The following GRM8 variants were observed in gnomAD, a reference collection of about 807,000 sequenced individuals.
GRM8 encodes the protein glutamate metabotropic receptor 8.
In GRM8, 47 loss-of-function variants were observed where a neutral mutation model predicts 87.2. The ratio of observed to expected loss-of-function variants is 0.54; its 90% CI spans 0.43 to 0.69. The LOEUF (loss-of-function observed/expected upper bound fraction) is 0.69, where lower values mean the gene tolerates loss of function less well. Ranked by LOEUF, GRM8 falls within the 30% of genes least tolerant of loss-of-function variation. The pLI is 0.00. For synonymous variants in GRM8, 396 were observed against 404.5 expected (o/e 0.98, Z 0.25); for missense variants, 1,019 against 1,139.2 (o/e 0.89, Z 1.52).
At chr7:126,487,755 A>G (rs1807545657) in intron 9 of GRM8, among the ~76,000 whole-genome samples, 1 of 152,012 alleles carries the variant, frequency 6.6e-6, no homozygotes, top group Admixed American at 6.6e-5. Flanking sequence ...CAATCTCACC[A>G]AAAAAAGTAT....
chr7:126,602,123 A>C (rs1469780498), intron 8 of GRM8, among the ~76,000 whole-genome samples: 1 of 142,932 alleles, frequency 7.0e-6, no homozygotes, highest in Non-Finnish European at 1.5e-5. Context: ...GGTGTAAGGA[A>C]GGGATCCAGT....
chr7:127,100,101 G>C (rs181158180), intron 3 of GRM8, among the ~76,000 whole-genome samples: 263 of 152,228 alleles, frequency 1.7e-3, no homozygotes, highest in Non-Finnish European at 3.3e-3. Context: ...ACAAATTTCA[G>C]AAGCAACCAC....
intron 7 of GRM8, among the ~76,000 whole-genome samples, chr7:126,716,856 T>C (rs1473657719): frequency 6.6e-6 from 1 of 152,054 alleles, no homozygotes; most frequent in Non-Finnish European, 1.5e-5. Context: ...ATCATGAACA[T>C]GAGTGGAGGG....
chr7:126,652,801 T>G (rs1049454622), intron 7 of GRM8, among the ~76,000 whole-genome samples: 4 of 152,152 alleles, frequency 2.6e-5, no homozygotes, highest in African/African-American at 9.7e-5. Flanking sequence ...TGTATATATA[T>G]CCTATTAGTT....
rs557993381 is a variant in GRM8 at position 126,827,170 on chromosome 7, T to C, written c.1157-57105A>G. On this transcript the variant is annotated intron_variant, in intron 6 of 10. Coordinates refer to ENST00000339582, the MANE Select transcript of GRM8 (RefSeq NM_000845.3). Reference sequence around the variant, plus strand: ...AGCGTGATGCCTTCAGCTTTGTTCTTTTGGCTTAGGATTGACTTGGTGATG... The same window carrying C: ...AGCGTGATGCCTTCAGCTTTGTTCTCTTGGCTTAGGATTGACTTGGTGATG... 8.5e-5 allele frequency among the ~76,000 whole-genome samples: 13 copies of C among 152,346 alleles called. No homozygotes were observed. In the East Asian group the frequency reaches 2.5e-3, roughly 29 times the overall value.
chr7:126,972,329 G>T (rs1810511549), intron 3 of GRM8, among the ~76,000 whole-genome samples: 1 of 152,122 alleles, frequency 6.6e-6, no homozygotes, highest in South Asian at 2.1e-4. Flanking sequence ...ATTACTATTT[G>T]AATGTTGTGC....
chr7:126,725,061 A>T (rs1171407928), intron 7 of GRM8, among the ~76,000 whole-genome samples: 1 of 152,206 alleles, frequency 6.6e-6, no homozygotes, highest in Non-Finnish European at 1.5e-5. Context: ...AGATGACTGA[A>T]GATGTTTCTG....
chr7:126,756,102 A>G (rs1190748558), intron 7 of GRM8, among the ~76,000 whole-genome samples: 1 of 151,978 alleles, frequency 6.6e-6, no homozygotes, highest in Non-Finnish European at 1.5e-5. Context: ...ACTTTTCATG[A>G]CATTTGAACA....
At chr7:127,047,977 C>T (rs1819105051) in intron 3 of GRM8, among the ~76,000 whole-genome samples, 1 of 152,116 alleles carries the variant, frequency 6.6e-6, no homozygotes, top group Admixed American at 6.5e-5. Context: ...AATTCATTTG[C>T]TCAACAAACA....
At chr7:126,790,856 A>C (rs1821209344) in intron 6 of GRM8, among the ~76,000 whole-genome samples, 1 of 152,190 alleles carries the variant, frequency 6.6e-6, no homozygotes, top group African/African-American at 2.4e-5. Flanking sequence ...GTGAGAATCC[A>C]GGGCTCTGGG....
chr7:126,775,339 G>T (rs1455011875), intron 6 of GRM8, among the ~76,000 whole-genome samples: 3 of 152,020 alleles, frequency 2.0e-5, no homozygotes, highest in African/African-American at 7.2e-5. Flanking sequence ...GAATAAGACT[G>T]TCATGCTTTA....
chr7:127,212,006 G>A (rs1796236316), intron 2 of GRM8, among the ~76,000 whole-genome samples: 1 of 152,140 alleles, frequency 6.6e-6, no homozygotes, highest in Non-Finnish European at 1.5e-5. Flanking sequence ...TTCATGCTTA[G>A]AGTATGGGAA....
At chr7:126,531,985 C>G (rs1814895276) in intron 9 of GRM8, among the ~76,000 whole-genome samples, 1 of 152,200 alleles carries the variant, frequency 6.6e-6, no homozygotes, top group Admixed American at 6.5e-5. Flanking sequence ...CTCACATGCC[C>G]ATCAGGGCAG....
chr7:127,183,431 C>T (rs1794577849), intron 2 of GRM8, among the ~76,000 whole-genome samples: 1 of 151,622 alleles, frequency 6.6e-6, no homozygotes. Context: ...TTAAACAACA[C>T]ACTTCTAAAT....
intron 8 of GRM8, among the ~76,000 whole-genome samples, chr7:126,538,182 T>C (rs1000928986): frequency 6.6e-6 from 1 of 152,232 alleles, no homozygotes. Context: ...CAAATCCTGT[T>C]ATTATTGCAG....
chr7:126,900,476 A>C (rs1801959668), intron 6 of GRM8, among the ~76,000 whole-genome samples: 1 of 136,578 alleles, frequency 7.3e-6, no homozygotes, highest in African/African-American at 2.9e-5. Flanking sequence ...CCTGTGTGTT[A>C]CATCCCTAGC....
intron 7 of GRM8, among the ~76,000 whole-genome samples, chr7:126,666,650 CA>C (rs1262942644): frequency 6.7e-6 from 1 of 149,190 alleles, no homozygotes; most frequent in Non-Finnish European, 1.5e-5. Context: ...GAGAACCATA[CA>C]AAAAAATAAT....
At chr7:127,067,632 T>C (rs1162104295) in intron 3 of GRM8, among the ~76,000 whole-genome samples, 1 of 152,144 alleles carries the variant, frequency 6.6e-6, no homozygotes, top group Non-Finnish European at 1.5e-5. Context: ...CTCTTGAGAG[T>C]TCCTCATTAT....
intron 9 of GRM8, among the ~76,000 whole-genome samples, chr7:126,473,477 A>G (rs747156138): frequency 1.5e-4 from 23 of 152,158 alleles, no homozygotes; most frequent in Non-Finnish European, 2.9e-4. Context: ...GCCGGTACCC[A>G]ATGTATCTAG....
Sources: gnomAD v4.1 joint callset for allele counts (sites outside exome capture counted in the v4.1 genomes callset) on GRCh38, gnomAD v4.1.1 for gene constraint, MANE v1.5 for transcripts, NCBI Gene and HGNC (gene_info 2026-07-23, HGNC 2026-07-21) for gene names.